Variants in RDX observed in about 807,000 individuals in gnomAD.
The protein encoded by RDX is radixin, also known as deafness, autosomal recessive 24.
In RDX, 32 loss-of-function variants were observed where a neutral mutation model predicts 83.7. The observed-to-expected ratio is 0.38, with a 90% confidence interval of 0.29 to 0.51. The LOEUF (loss-of-function observed/expected upper bound fraction) is 0.51, where lower values mean the gene tolerates loss of function less well. Among genes scored for constraint, RDX ranks in the 20% least tolerant of loss-of-function variants. The pLI, the probability that RDX is intolerant of heterozygous loss-of-function variation, is 0.87. For missense variants in RDX, 600 were observed against 689.9 expected, an observed-to-expected ratio of 0.87 and a Z score of 1.46; for synonymous variants, 229 against 222.7, an observed-to-expected ratio of 1.03 and a Z score of -0.25.
intron 1 of RDX, among the ~76,000 whole-genome samples, chr11:110,290,708 G>A (rs1279151800): frequency 6.6e-6 from 1 of 152,184 alleles, no homozygotes. Flanking sequence ...AAAGGGCCAG[G>A]TAAGTAAACA....
intron 13 of RDX, among the ~76,000 whole-genome samples, chr11:110,232,375 G>A (rs1459356560): frequency 2.0e-5 from 3 of 151,932 alleles, no homozygotes; most frequent in African/African-American, 7.3e-5. Flanking sequence ...TTCTCCAAAA[G>A]TCTTAATACA....
intron 7 of RDX, among the ~76,000 whole-genome samples, chr11:110,255,759 G>GA (rs886695613): frequency 8.0e-5 from 12 of 149,576 alleles, no homozygotes; most frequent in Admixed American, 2.0e-4. Context: ...GAAGTGGGAA[G>GA]AAAAAAAAAG....
chr11:110,190,882 T>G (rs1358056144), intron 15 of RDX, among the ~76,000 whole-genome samples: 1 of 152,116 alleles, frequency 6.6e-6, no homozygotes, highest in African/African-American at 2.4e-5. Flanking sequence ...CCTCCCAAGA[T>G]TGAATCAGGA....
rs74489907 is a variant in RDX, at chr11:110,196,930, G to A, written c.*31+2651C>T. ...TATTTTATTTTTGAGACAGGGTCGC[G>A]CTCTGCCACCCAGGCTGGAGTGCAG... On this transcript the variant is annotated intron_variant, in intron 15 of 15. Transcript: ENST00000528498. Among the ~76,000 whole-genome samples, 438 of 152,198 alleles carry A rather than the reference G, an allele frequency of 2.9e-3. 9 individuals carry two copies. In the East Asian group the frequency reaches 0.051, roughly 18 times the overall value.
chr11:110,251,243 T>A (rs1027549921), intron 9 of RDX, among the ~76,000 whole-genome samples: 1 of 152,234 alleles, frequency 6.6e-6, no homozygotes. Context: ...TTATTCCTTG[T>A]ATTAATATGC....
At chr11:110,181,164 CTTTT>C (rs34297768) in intron 15 of RDX, among the ~76,000 whole-genome samples, 2 of 143,008 alleles carry the variant, frequency 1.4e-5, no homozygotes, top group Non-Finnish European at 1.5e-5. Flanking sequence ...AGGGCTGCAT[CTTTT>C]TTTTTTTTTT....
At chr11:110,210,482 C>T (rs1565292971) in intron 14 of RDX, among the ~76,000 whole-genome samples, 1 of 149,264 alleles carries the variant, frequency 6.7e-6, no homozygotes, top group Non-Finnish European at 1.5e-5. Flanking sequence ...TCAGGAAATA[C>T]AGAGAACACC....
At chr11:110,226,442 A>C (rs76171393), downstream of RDX, among the ~76,000 whole-genome samples, 135 of 152,350 alleles carry the variant, frequency 8.9e-4, no homozygotes, top group East Asian at 0.023. Context: ...ATAGAGACAG[A>C]AAGTAGAACA....
intron 10 of RDX, among the ~76,000 whole-genome samples, chr11:110,241,727 C>T (rs4754436): frequency 4.8e-4 from 73 of 152,084 alleles, no homozygotes; most frequent in African/African-American, 1.7e-3. Context: ...GGGTCTCAAA[C>T]CAATACCTGA....
chr11:110,291,305 C>G (rs1395201629), intron 1 of RDX, among the ~76,000 whole-genome samples: 1 of 151,956 alleles, frequency 6.6e-6, no homozygotes, highest in East Asian at 1.9e-4. Context: ...CCACTGTACT[C>G]CAGCAGCAGA....
At chr11:110,189,000 A>G (rs1286084794) in intron 15 of RDX, among the ~76,000 whole-genome samples, 1 of 152,140 alleles carries the variant, frequency 6.6e-6, no homozygotes. Flanking sequence ...TCACATATCA[A>G]CGTTAACATT....
At chr11:110,270,393 T>C (rs1860255130) in intron 3 of RDX, among the ~76,000 whole-genome samples, 1 of 151,978 alleles carries the variant, frequency 6.6e-6, no homozygotes, top group African/African-American at 2.4e-5. Flanking sequence ...AGAAAAGGTA[T>C]AGTAAAAATA....
chr11:110,229,139 A>G (rs1864529994), downstream of RDX, among the ~76,000 whole-genome samples: 2 of 152,012 alleles, frequency 1.3e-5, no homozygotes, highest in East Asian at 1.9e-4. Flanking sequence ...CAATGACAAG[A>G]AACTGTATCT....
At chr11:110,292,271 C>A (rs187061663) in intron 1 of RDX, among the ~76,000 whole-genome samples, 1 of 149,660 alleles carries the variant, frequency 6.7e-6, no homozygotes, top group East Asian at 2.0e-4. Flanking sequence ...CCAGCCTGGG[C>A]AACAGAGCGA....
At chr11:110,244,786 G>GT (rs1865242676) in intron 10 of RDX, among the ~76,000 whole-genome samples, 1 of 152,134 alleles carries the variant, frequency 6.6e-6, no homozygotes, top group Admixed American at 6.5e-5. Context: ...CTATATGATG[G>GT]TATAAGTCAG....
At chr11:110,205,366 C>T (rs2134245221) in intron 14 of RDX, among the ~76,000 whole-genome samples, 1 of 146,296 alleles carries the variant, frequency 6.8e-6, no homozygotes, top group East Asian at 2.0e-4. Context: ...GAAAAAATCC[C>T]CACAAATTAT....
chr11:110,275,625 T>A (rs1268288103), intron 2 of RDX, among the ~76,000 whole-genome samples: 3 of 152,216 alleles, frequency 2.0e-5, no homozygotes, highest in Non-Finnish European at 4.4e-5. Flanking sequence ...ATATTCTTGA[T>A]ACTGATCCTT....
chr11:110,291,562 A>T (rs948337869), intron 1 of RDX, among the ~76,000 whole-genome samples: 2 of 151,902 alleles, frequency 1.3e-5, no homozygotes, highest in Admixed American at 6.6e-5. Context: ...CCCTGTCTGG[A>T]TGGGATGCAG....
intron 15 of RDX, chr11:110,184,931 A>T (rs952279333): frequency 6.6e-6 from 1 of 151,790 alleles, no homozygotes; most frequent in Non-Finnish European, 1.5e-5. Context: ...AGGGCCTGAG[A>T]AAAGCACTAG....
Sources: gnomAD v4.1 joint callset for allele counts (sites outside exome capture counted in the v4.1 genomes callset) on GRCh38, gnomAD v4.1.1 for gene constraint, MANE v1.5 for transcripts, NCBI Gene and HGNC (gene_info 2026-07-23, HGNC 2026-07-21) for gene names.